DACH1: variants seen among roughly 807,000 people sequenced by gnomAD.
DACH1 encodes the protein dachshund family transcription factor 1.
A neutral mutation model predicts 54.2 loss-of-function variants in DACH1; 12 were observed. That is an observed-to-expected ratio of 0.22 (90% CI 0.14 to 0.36). The LOEUF (loss-of-function observed/expected upper bound fraction) is 0.36, where lower values mean the gene tolerates loss of function less well. Ranked by LOEUF, DACH1 falls within the 10% of genes least tolerant of loss-of-function variation. DACH1 has a pLI of 1.00. For missense variants in DACH1, 805 were observed against 929.8 expected (o/e 0.87, Z 1.75); for synonymous variants, 386 against 366.2 (o/e 1.05, Z -0.62).
intron 1 of DACH1, among the ~76,000 whole-genome samples, chr13:71,811,128 G>A (rs1023779030): frequency 6.6e-6 from 1 of 152,006 alleles, no homozygotes; most frequent in African/African-American, 2.4e-5. Context: ...TATTTGGCAA[G>A]TAAAGGTTCT....
intron 10 of DACH1, among the ~76,000 whole-genome samples, chr13:71,455,417 A>T (rs985004408): frequency 6.6e-6 from 1 of 152,118 alleles, no homozygotes; most frequent in African/African-American, 2.4e-5. Flanking sequence ...AGTAGGTGGA[A>T]ATAATTTGCT....
At chr13:71,744,741 T>C (rs1369291242) in intron 1 of DACH1, among the ~76,000 whole-genome samples, 2 of 152,152 alleles carry the variant, frequency 1.3e-5, no homozygotes, top group African/African-American at 2.4e-5. Context: ...AAATTTCATA[T>C]GATTTTATGA....
At chr13:71,589,464 C>A (rs1018904398) in intron 3 of DACH1, among the ~76,000 whole-genome samples, 1 of 151,814 alleles carries the variant, frequency 6.6e-6, no homozygotes, top group Non-Finnish European at 1.5e-5. Context: ...TTTTAAACTA[C>A]AAAATTTTAT....
chr13:71,743,338 G>T (rs1214785910), intron 1 of DACH1, among the ~76,000 whole-genome samples: 1 of 152,168 alleles, frequency 6.6e-6, no homozygotes, highest in African/African-American at 2.4e-5. Context: ...CATGGAAATA[G>T]AATCCTAATA....
At chr13:71,691,507 TA>T (rs879648930) in intron 1 of DACH1, among the ~76,000 whole-genome samples, 295 of 152,268 alleles carry the variant, frequency 1.9e-3, no homozygotes, top group Non-Finnish European at 3.2e-3. Context: ...TTAAAAGTAA[TA>T]GAGTCAGGTT....
intron 1 of DACH1, among the ~76,000 whole-genome samples, chr13:71,695,536 C>CA (rs1881782033): frequency 6.6e-6 from 1 of 152,062 alleles, no homozygotes; most frequent in Admixed American, 6.5e-5. Context: ...TTTTAACTAA[C>CA]AGAGAGAAAG....
intron 1 of DACH1, among the ~76,000 whole-genome samples, chr13:71,841,534 A>T (rs1400291219): frequency 6.6e-6 from 1 of 152,190 alleles, no homozygotes. Context: ...TTGCATAGAA[A>T]CACTTCTCAC....
chr13:71,842,489 G>T (rs1872945000), intron 1 of DACH1, among the ~76,000 whole-genome samples: 1 of 152,002 alleles, frequency 6.6e-6, no homozygotes, highest in South Asian at 2.1e-4. Flanking sequence ...GAGGTGGGAG[G>T]ATCACCTGAG....
chr13:71,817,598 C>T (rs751106452), intron 1 of DACH1, among the ~76,000 whole-genome samples: 1 of 151,992 alleles, frequency 6.6e-6, no homozygotes, highest in Admixed American at 6.6e-5. Context: ...GTGGCACATG[C>T]TATCAGTGTA....
At chr13:71,839,803 C>T (rs1275999750) in intron 1 of DACH1, among the ~76,000 whole-genome samples, 1 of 152,098 alleles carries the variant, frequency 6.6e-6, no homozygotes, top group Non-Finnish European at 1.5e-5. Context: ...TGATCTTAGA[C>T]TTACAATACT....
In DACH1 at chr13:71,831,200, G is replaced by T. The variant is rs141470006; in HGVS notation, c.848+34722C>A. Among the ~76,000 whole-genome samples the T allele has an allele frequency of 4.0e-4, 60 of 151,706 alleles. 1 individual carries two copies. The highest frequency in any genetic ancestry group is 1.2e-3 in the African/African-American group (51 of 41,410). ...ATTTAGAGTTTTCCTTCAAAATTGT[G>T]GCTACTATTTCCTCAGTAACTCTTA... On this transcript the variant is annotated intron_variant, in intron 1 of 10. Coordinates refer to ENST00000613252, the MANE Select transcript of DACH1 (RefSeq NM_080759.6).
At chr13:71,682,722 G>A (rs1301760213) in intron 1 of DACH1, among the ~76,000 whole-genome samples, 1 of 151,912 alleles carries the variant, frequency 6.6e-6, no homozygotes, top group Non-Finnish European at 1.5e-5. Flanking sequence ...GTACCTTTAG[G>A]ATAAATAAAA....
At chr13:71,602,469 T>A (rs1874566596) in intron 3 of DACH1, among the ~76,000 whole-genome samples, 1 of 151,968 alleles carries the variant, frequency 6.6e-6, no homozygotes, top group African/African-American at 2.4e-5. Context: ...CACTTTGCCT[T>A]CTGTTTCTCT....
At chr13:71,477,862 T>C (rs1163757011) in intron 8 of DACH1, among the ~76,000 whole-genome samples, 1 of 152,204 alleles carries the variant, frequency 6.6e-6, no homozygotes, top group African/African-American at 2.4e-5. Flanking sequence ...TAAGTATTGA[T>C]AGTTATTGCC....
At chr13:71,844,738 C>T (rs1873111094) in intron 1 of DACH1, among the ~76,000 whole-genome samples, 3 of 152,010 alleles carry the variant, frequency 2.0e-5, no homozygotes, top group African/African-American at 7.2e-5. Flanking sequence ...ACTGTTACTA[C>T]CCACACTTGA....
At chr13:71,805,853 G>A (rs536140836) in intron 1 of DACH1, among the ~76,000 whole-genome samples, 1 of 152,068 alleles carries the variant, frequency 6.6e-6, no homozygotes, top group Non-Finnish European at 1.5e-5. Context: ...GCCCAGGCTG[G>A]AGTGCAGTGA....
At chr13:71,516,327 A>G (rs1484239704) in intron 6 of DACH1, among the ~76,000 whole-genome samples, 1 of 151,822 alleles carries the variant, frequency 6.6e-6, no homozygotes, top group Non-Finnish European at 1.5e-5. Flanking sequence ...GGATGACTAT[A>G]GTATCTTTCC....
intron 6 of DACH1, among the ~76,000 whole-genome samples, chr13:71,539,078 C>G (rs756357821): frequency 2.0e-5 from 3 of 151,948 alleles, no homozygotes; most frequent in Non-Finnish European, 2.9e-5. Context: ...AAATGTATAA[C>G]AGCTGAAATT....
intron 1 of DACH1, among the ~76,000 whole-genome samples, chr13:71,700,717 T>C (rs1240844259): frequency 6.6e-6 from 1 of 152,128 alleles, no homozygotes; most frequent in Non-Finnish European, 1.5e-5. Flanking sequence ...TGCACAGATA[T>C]AGTAATACTG....
Sources: allele counts gnomAD v4.1 joint callset (sites outside exome capture counted in the v4.1 genomes callset), GRCh38; gene constraint gnomAD v4.1.1; transcripts MANE v1.5; gene names NCBI Gene and HGNC (gene_info 2026-07-23, HGNC 2026-07-21).